SFT2D2: variants seen among roughly 807,000 people sequenced by gnomAD.
The protein encoded by SFT2D2 is vesicle transport protein SFT2B.
A neutral mutation model predicts 27.4 loss-of-function variants in SFT2D2; 21 were observed. The ratio of observed to expected loss-of-function variants is 0.77; its 90% CI spans 0.54 to 1.10. The LOEUF (loss-of-function observed/expected upper bound fraction) is 1.10, where lower values mean the gene tolerates loss of function less well. SFT2D2 is among the 50% of genes least tolerant of loss of function. SFT2D2 has a pLI of 0.00. For synonymous variants in SFT2D2, 72 were observed against 71.7 expected (o/e 1.00, Z -0.02); for missense variants, 187 against 194.2 (o/e 0.96, Z 0.22).
At position 168,248,929 on chromosome 1, in the gene SFT2D2, G is replaced by C. The variant is rs1205004673; in HGVS notation, c.*6389G>C. ...AGTTTGTATTTCTGTGGTATCGGTG[G>C]TGATATCCCCTGTATCATTTTTTAT... On this transcript the variant is annotated 3_prime_UTR_variant, in exon 8 of 8. Transcript: ENST00000271375. 1 of 151,950 alleles carries C rather than the reference G, an allele frequency of 6.6e-6. No homozygotes were observed. The highest frequency in any genetic ancestry group is 1.5e-5 in the Non-Finnish European group (1 of 67,964). The allele number at this position is 151,950 out of a possible 1,614,324, so 9.4% of individuals were successfully genotyped here.
chr1:168,236,525 G>A (rs1450075918), intron 4 of SFT2D2, 64 bp from the exon 5 acceptor site: 8 of 1,514,374 alleles, frequency 5.3e-6, no homozygotes. Context: ...AGAATAACAA[G>A]TTTTGAGTTT....
rs1423397992 is a variant in SFT2D2 at position 168,239,000 on chromosome 1, C to G, written c.414-131C>G. On this transcript the variant is annotated intron_variant, in intron 6 of 7. Transcript: ENST00000271375. Reference sequence around the variant, plus strand: ...GGGCCTTTGTGTGCACATGCTCATCCCCCAGGCTGAGTATGGGAGAGGGTC... The same window carrying G: ...GGGCCTTTGTGTGCACATGCTCATCGCCCAGGCTGAGTATGGGAGAGGGTC... The G allele has an allele frequency of 2.9e-5, 21 of 724,044 alleles. 1 individual carries two copies. The highest frequency in any genetic ancestry group is 1.2e-4 in the South Asian group (7 of 59,488). The allele number at this position is 724,044 out of a possible 1,614,324, so 44.9% of individuals were successfully genotyped here.
rs934302725 is a variant in SFT2D2 at position 168,251,949 on chromosome 1, G to T, written c.*9409G>T. The T allele has an allele frequency of 6.6e-6, 1 of 152,138 alleles. No individual in the cohort carries two copies. Among genetic ancestry groups the T allele is most frequent in the African/African-American group, 2.4e-5 (1 of 41,430 alleles). 9.4% of individuals were successfully genotyped at this position (152,138 alleles called of 1,614,324 possible). ...TGGTTAATAGTTTTATAGTTAAGAAGAAAGTCCAGCGAAGTTTACTTGATC... is the reference window on the plus strand; with the variant it reads ...TGGTTAATAGTTTTATAGTTAAGAATAAAGTCCAGCGAAGTTTACTTGATC... On this transcript the variant is annotated 3_prime_UTR_variant, in exon 8 of 8. Transcript: ENST00000271375.
chr1:168,239,992 A>C (rs2102332860), intron 7 of SFT2D2, among the ~76,000 whole-genome samples: 1 of 151,958 alleles, frequency 6.6e-6, no homozygotes, highest in Non-Finnish European at 1.5e-5. Flanking sequence ...TGGCTAACAC[A>C]GTGAAACCCC....
rs991511446 is a variant in SFT2D2, at chr1:168,245,305, T to A, written c.*2765T>A. 1 of 152,200 alleles carries A rather than the reference T, an allele frequency of 6.6e-6. No individual in the cohort carries two copies. Among genetic ancestry groups the A allele is most frequent in the Non-Finnish European group, 1.5e-5 (1 of 68,044 alleles). 9.4% of individuals were successfully genotyped at this position (152,200 alleles called of 1,614,324 possible). ...TACACAAATCAATTGTGTTTCTCCA[T>A]GTTAGAAGTAAAGAATTAGGAATTG... is the stretch of plus-strand genomic sequence containing the variant. On this transcript the variant is annotated 3_prime_UTR_variant, in exon 8 of 8. Coordinates refer to ENST00000271375, the MANE Select transcript of SFT2D2 (RefSeq NM_199344.3).
In SFT2D2 at chr1:168,231,593, C is replaced by T. The variant is rs187251920; in HGVS notation, c.143C>T (p.Ser48Leu). ...TGTTTTGCTATAGGAATTCTCTGCTCACTGCTGGTAAGATTTCCCTTCCTC... is the reference window on the plus strand; with the variant it reads ...TGTTTTGCTATAGGAATTCTCTGCTTACTGCTGGTAAGATTTCCCTTCCTC... The part of the protein sequence containing the change: ...IACFAIGILC[S>L]LLGTVLLWVP... Residue 48 changes from serine (S) to leucine (L), a missense_variant, in exon 2 of 8, where the codon TCA becomes TTA. Transcript: ENST00000271375. 8.7e-5 allele frequency: 140 copies of T among 1,613,776 alleles called. No homozygotes were observed. In the East Asian group the frequency reaches 3.1e-3, roughly 36 times the overall value.
intron 3 of SFT2D2, among the ~76,000 whole-genome samples, chr1:168,233,285 G>A (rs979224835): frequency 6.6e-6 from 1 of 152,214 alleles, no homozygotes; most frequent in Non-Finnish European, 1.5e-5. Flanking sequence ...TGGCTCAAAA[G>A]CTACCTCTTC....
chr1:168,234,405 A>G (rs892413104), intron 3 of SFT2D2, among the ~76,000 whole-genome samples: 1 of 151,124 alleles, frequency 6.6e-6, no homozygotes, highest in Non-Finnish European at 1.5e-5. Flanking sequence ...AAAAAAAAAA[A>G]CAAACAAAAA....
In SFT2D2 at chr1:168,250,432, CGTT is replaced by C. The variant is rs2102338059; in HGVS notation, c.*7893_*7895del. ...TGCTGCCCTGCATTCCCTTCCCTTC[CGTT>C]CACTGCTGGGTGAAGGAGGGCTTGC... On this transcript the variant is annotated 3_prime_UTR_variant, in exon 8 of 8. Coordinates refer to ENST00000271375, the MANE Select transcript of SFT2D2 (RefSeq NM_199344.3). The C allele has an allele frequency of 6.6e-6, 1 of 152,380 alleles. No homozygotes were observed. Among genetic ancestry groups the C allele is most frequent in the East Asian group, 1.9e-4 (1 of 5,192 alleles). The allele number at this position is 152,380 out of a possible 1,614,324, so 9.4% of individuals were successfully genotyped here.
chr1:168,247,284 G>T lies in SFT2D2; in HGVS notation c.*4744G>T. ...TGGGGTACATGTGCAGAACATGCGG[G>T]TTTGTTACATAGGTATACATGTAAT... On this transcript the variant is annotated 3_prime_UTR_variant, in exon 8 of 8. Transcript: ENST00000271375. 4.1e-6 allele frequency: 1 copy of T among 243,910 alleles called. No homozygotes were observed. Among genetic ancestry groups the T allele is most frequent in the Non-Finnish European group, 7.9e-6 (1 of 126,576 alleles). The allele number at this position is 243,910 out of a possible 1,614,324, so 15.1% of individuals were successfully genotyped here. A position where few individuals can be genotyped will look rare whatever the true frequency, so the allele number is the denominator to read the frequency against.
intron 1 of SFT2D2, among the ~76,000 whole-genome samples, chr1:168,226,448 C>G (rs1054677493): frequency 2.0e-5 from 3 of 152,320 alleles, no homozygotes; most frequent in Non-Finnish European, 2.9e-5. Context: ...CCCGGCCCCA[C>G]CGGCCGGGGA....
In SFT2D2 at chr1:168,236,731, C is replaced by G. The variant is rs747437793; in HGVS notation, c.374C>G (p.Ala125Gly). The G allele has an allele frequency of 1.2e-6, 2 of 1,614,174 alleles. No individual in the cohort carries two copies. Among genetic ancestry groups the G allele is most frequent in the Non-Finnish European group, 1.7e-6 (2 of 1,180,026 alleles). ...TTCCAGTGGCATAACAAGGGACTTG[C>G]ACTTATCTTCTGCATTTTGCAGTCT... Reference protein sequence around the residue: ...SAFWWHNKGLALIFCILQSLA... With the variant: ...SAFWWHNKGLGLIFCILQSLA... The change falls in exon 6 of 8, where the codon GCA becomes GGA. Residue 125 changes from alanine to glycine, a missense_variant. Ala to Gly is a moderately conservative substitution (Grantham distance 60). Coordinates refer to ENST00000271375, the MANE Select transcript of SFT2D2 (RefSeq NM_199344.3).
intron 3 of SFT2D2, among the ~76,000 whole-genome samples, chr1:168,233,029 C>T (rs1323618419): frequency 6.6e-6 from 1 of 152,218 alleles, no homozygotes; most frequent in Non-Finnish European, 1.5e-5. Context: ...TTAGCCCCCT[C>T]AAGTGGCCCC....
rs984230775 is a variant in SFT2D2, at chr1:168,226,044, C to A, written c.-36C>A. The A allele has an allele frequency of 1.9e-5, 29 of 1,493,264 alleles. No individual in the cohort carries two copies. The highest frequency in any genetic ancestry group is 5.8e-5 in the African/African-American group (4 of 69,044). The allele number at this position is 1,493,264 out of a possible 1,614,324, so 92.5% of individuals were successfully genotyped here. On this transcript the variant is annotated 5_prime_UTR_variant, in exon 1 of 8. Coordinates refer to ENST00000271375, the MANE Select transcript of SFT2D2 (RefSeq NM_199344.3). The stretch of plus-strand genomic sequence containing the variant: ...CAACTTAGCGAGCGCAACAGGCTGC[C>A]GCTGAGGAGCTGGAGCTGGTGGGGA...
chr1:168,231,216 T>A (rs577585150), intron 1 of SFT2D2, among the ~76,000 whole-genome samples: 1 of 152,302 alleles, frequency 6.6e-6, no homozygotes, highest in South Asian at 2.1e-4. Flanking sequence ...TACTCTAGGA[T>A]TGGCTGTCTT....
In SFT2D2 at chr1:168,236,716, A is replaced by G. The variant is rs780704144; in HGVS notation, c.359A>G (p.His120Arg). ...ACCATATTATTATTTTTCCAGTGGC[A>G]TAACAAGGGACTTGCACTTATCTTC... ...ALTLCSAFWW[H>R]NKGLALIFCI... Residue 120 changes from histidine to arginine, a missense_variant, in exon 6 of 8, where the codon CAT becomes CGT. His to Arg is a conservative substitution (Grantham distance 29). Coordinates refer to ENST00000271375, the MANE Select transcript of SFT2D2 (RefSeq NM_199344.3). 4 of 1,614,222 alleles carry G rather than the reference A, an allele frequency of 2.5e-6. No individual in the cohort carries two copies. Among genetic ancestry groups the G allele is most frequent in the South Asian group, 1.1e-5 (1 of 91,086 alleles).
In SFT2D2 at chr1:168,246,532, T is replaced by C; in HGVS notation, c.*3992T>C. 2 of 1,500,298 alleles carry C rather than the reference T, an allele frequency of 1.3e-6. No individual in the cohort carries two copies. Among genetic ancestry groups the C allele is most frequent in the Middle Eastern group, 2.2e-4 (1 of 4,614 alleles). 92.9% of individuals were successfully genotyped at this position (1,500,298 alleles called of 1,614,324 possible). On this transcript the variant is annotated 3_prime_UTR_variant, in exon 8 of 8. Transcript: ENST00000271375. ...GAGCTCAGTTTTGAGGCACCTGGAC[T>C]TACTCTCAGCTTTAGAAAGTTGCTG...
Position 168,245,181 on chromosome 1 carries a change from C to G in SFT2D2, c.*2641C>G, listed in dbSNP as rs1375718312. 2 of 152,110 alleles carry G rather than the reference C, an allele frequency of 1.3e-5. No individual in the cohort carries two copies. Among genetic ancestry groups the G allele is most frequent in the South Asian group, 2.1e-4 (1 of 4,824 alleles). 9.4% of individuals were successfully genotyped at this position (152,110 alleles called of 1,614,324 possible). On this transcript the variant is annotated 3_prime_UTR_variant, in exon 8 of 8. Coordinates refer to ENST00000271375, the MANE Select transcript of SFT2D2 (RefSeq NM_199344.3). ...AGAAATGAGTAAAACTGTCTATTCACAGATATTATCATCTATGTAGAAAAC... is the reference window on the plus strand; with the variant it reads ...AGAAATGAGTAAAACTGTCTATTCAGAGATATTATCATCTATGTAGAAAAC...
intron 4 of SFT2D2, among the ~76,000 whole-genome samples, chr1:168,235,682 C>A (rs950148862): frequency 1.3e-5 from 2 of 152,164 alleles, no homozygotes; most frequent in Admixed American, 1.3e-4. Flanking sequence ...ATCCTTGTAC[C>A]CTGCTCTGAC....
Sources: gnomAD v4.1 joint callset for allele counts (sites outside exome capture counted in the v4.1 genomes callset) on GRCh38, gnomAD v4.1.1 for gene constraint, MANE v1.5 for transcripts, NCBI Gene and HGNC (gene_info 2026-07-23, HGNC 2026-07-21) for gene names.